Variants in ITGA9 observed in about 807,000 individuals in gnomAD.
The protein encoded by ITGA9 is integrin subunit alpha 9, also known as integrin alpha-9.
In ITGA9, 56 loss-of-function variants were observed where a neutral mutation model predicts 127.8. The observed-to-expected ratio is 0.44, with a 90% confidence interval of 0.35 to 0.55. The LOEUF (loss-of-function observed/expected upper bound fraction) is 0.55. Ranked by LOEUF, ITGA9 falls within the 20% of genes least tolerant of loss-of-function variation. The pLI is 0.00. For missense variants in ITGA9, 1,196 were observed against 1,347.1 expected (o/e 0.89, Z 1.76); for synonymous variants, 508 against 514.5 (o/e 0.99, Z 0.17).
intron 23 of ITGA9, among the ~76,000 whole-genome samples, chr3:37,763,071 G>A (rs1005249742): frequency 7.2e-5 from 11 of 152,314 alleles, no homozygotes; most frequent in East Asian, 1.9e-4. Context: ...AATACTTTGC[G>A]CCCAGCATAT....
intron 13 of ITGA9, among the ~76,000 whole-genome samples, chr3:37,528,781 T>G (rs543040518): frequency 7.5e-4 from 115 of 152,370 alleles, no homozygotes; most frequent in South Asian, 5.0e-3. Flanking sequence ...AGAATTTGCA[T>G]GCAATAAAAT....
chr3:37,559,387 G>A (rs1381905870), intron 15 of ITGA9, among the ~76,000 whole-genome samples: 1 of 152,164 alleles, frequency 6.6e-6, no homozygotes, highest in Non-Finnish European at 1.5e-5. Context: ...TGAAAGGGCA[G>A]GGGTCAGATA....
At chr3:37,479,593 G>A (rs1698530702) in intron 3 of ITGA9, among the ~76,000 whole-genome samples, 1 of 152,214 alleles carries the variant, frequency 6.6e-6, no homozygotes, top group African/African-American at 2.4e-5. Context: ...GTGACGTGGG[G>A]CATTCCATTC....
At chr3:37,583,436 G>C (rs565844755) in intron 15 of ITGA9, among the ~76,000 whole-genome samples, 1 of 152,230 alleles carries the variant, frequency 6.6e-6, no homozygotes, top group Non-Finnish European at 1.5e-5. Flanking sequence ...CATGTTTAAT[G>C]TATTTTCTGT....
intron 15 of ITGA9, among the ~76,000 whole-genome samples, chr3:37,581,403 G>C (rs1699708445): frequency 6.6e-6 from 1 of 152,220 alleles, no homozygotes; most frequent in African/African-American, 2.4e-5. Flanking sequence ...GGTGAGGACT[G>C]TTTGACAGTG....
intron 3 of ITGA9, among the ~76,000 whole-genome samples, chr3:37,480,403 C>T (rs555209246): frequency 3.9e-5 from 6 of 152,162 alleles, no homozygotes; most frequent in Non-Finnish European, 5.9e-5. Context: ...CGCCAGTATG[C>T]GGAGCTCTCA....
intron 4 of ITGA9, among the ~76,000 whole-genome samples, chr3:37,491,050 C>T (rs536379121): frequency 6.9e-6 from 1 of 145,822 alleles, no homozygotes; most frequent in South Asian, 2.2e-4. Flanking sequence ...GATCGTGGCT[C>T]ACTGCAACCT....
At chr3:37,592,038 C>T (rs1036562213) in intron 15 of ITGA9, among the ~76,000 whole-genome samples, 1 of 151,986 alleles carries the variant, frequency 6.6e-6, no homozygotes, top group Non-Finnish European at 1.5e-5. Context: ...GGGGTGCAAC[C>T]TCTGCCTTCC....
chr3:37,555,719 T>C (rs1699424494), intron 15 of ITGA9, among the ~76,000 whole-genome samples: 1 of 152,230 alleles, frequency 6.6e-6, no homozygotes. Flanking sequence ...AAACCTGAGT[T>C]GCAAGTGTAC....
intron 1 of ITGA9, among the ~76,000 whole-genome samples, chr3:37,466,110 A>G (rs1226344835): frequency 2.0e-5 from 3 of 152,074 alleles, no homozygotes; most frequent in Non-Finnish European, 4.4e-5. Context: ...CTAACCCAGC[A>G]CCTGCACACT....
chr3:37,803,695 A>T (rs2125562397), intron 26 of ITGA9, 128 bp from the exon 27 acceptor site: 1 of 1,045,220 alleles, frequency 9.6e-7, no homozygotes, highest in African/African-American at 1.6e-5. Flanking sequence ...AATCGCTTGA[A>T]CCCAGGAGGT....
chr3:37,711,902 G>A (rs1311617369), intron 18 of ITGA9, among the ~76,000 whole-genome samples: 4 of 152,182 alleles, frequency 2.6e-5, no homozygotes, highest in Non-Finnish European at 4.4e-5. Flanking sequence ...TGGTGGGCAC[G>A]GACGGGGTTT....
At chr3:37,617,982 C>T (rs1374552210) in intron 15 of ITGA9, among the ~76,000 whole-genome samples, 1 of 152,316 alleles carries the variant, frequency 6.6e-6, no homozygotes, top group Non-Finnish European at 1.5e-5. Context: ...ATTCTCCATC[C>T]AGCTTTGTTC....
At chr3:37,708,775 C>T (rs1249316068) in intron 18 of ITGA9, among the ~76,000 whole-genome samples, 2 of 14,962 alleles carry the variant, frequency 1.3e-4, no homozygotes, top group Non-Finnish European at 3.1e-4. Context: ...TACAGGTCTT[C>T]TAAGTGGTGG....
chr3:37,779,812 C>G (rs748927837), intron 24 of ITGA9, 90 bp from the exon 25 acceptor site: 65 of 1,312,030 alleles, frequency 5.0e-5, no homozygotes, highest in Non-Finnish European at 6.8e-5. Flanking sequence ...CCTTAGTCAC[C>G]AAGTTCATGG....
rs111986228 is a variant in ITGA9 at position 37,732,561 on chromosome 3, G to A, written c.2068-151G>A. On this transcript the variant is annotated intron_variant, in intron 18 of 27. Coordinates refer to ENST00000264741, the MANE Select transcript of ITGA9 (RefSeq NM_002207.3). ...CCCATGAAAAAGTGGGCAGCTGGAA[G>A]GGGGCTGGAGACGGCCTGGTCAGGG... 1,702 of 694,724 alleles carry A rather than the reference G, an allele frequency of 2.4e-3. 17 individuals carry two copies. Among genetic ancestry groups the A allele is most frequent in the African/African-American group, 0.024 (1,346 of 56,644 alleles). The allele number at this position is 694,724 out of a possible 1,614,324, so 43.0% of individuals were successfully genotyped here. A position where few individuals can be genotyped will look rare whatever the true frequency, so the allele number is the denominator to read the frequency against.
intron 18 of ITGA9, among the ~76,000 whole-genome samples, chr3:37,723,033 C>T (rs35613945): frequency 0.046 from 6,932 of 152,210 alleles, 300 homozygotes; most frequent in South Asian, 0.13. Context: ...AGTAGCATCT[C>T]TTTGTGGTTT....
At chr3:37,679,846 A>C (rs1006821766) in intron 17 of ITGA9, among the ~76,000 whole-genome samples, 1 of 152,212 alleles carries the variant, frequency 6.6e-6, no homozygotes, top group Admixed American at 6.5e-5. Flanking sequence ...AAGCCAGAGA[A>C]GGGTCCTACC....
intron 26 of ITGA9, among the ~76,000 whole-genome samples, chr3:37,791,581 C>T (rs1393308052): frequency 1.3e-5 from 2 of 152,216 alleles, no homozygotes. Context: ...TCCCTGGCTT[C>T]TCTCTACCTC....
Sources: allele counts gnomAD v4.1 joint callset (sites outside exome capture counted in the v4.1 genomes callset), GRCh38; gene constraint gnomAD v4.1.1; transcripts MANE v1.5; gene names NCBI Gene and HGNC (gene_info 2026-07-23, HGNC 2026-07-21).